EFNA5: variants seen among roughly 807,000 people sequenced by gnomAD.
The protein encoded by EFNA5 is ephrin A5.
EFNA5 carries 5 observed loss-of-function variants against 22.9 expected under a neutral mutation model. The ratio of observed to expected loss-of-function variants is 0.22; its 90% CI spans 0.11 to 0.46. The LOEUF is 0.46. Among genes scored for constraint, EFNA5 ranks in the 20% least tolerant of loss-of-function variants. EFNA5 has a pLI of 0.99. For missense variants in EFNA5, 237 were observed against 293.3 expected (o/e 0.81, Z 1.40); for synonymous variants, 113 against 112.2 (o/e 1.01, Z -0.04).
rs544549953 is a variant in EFNA5, at chr5:107,438,435, G to A, written c.126-10926C>T. 1.1e-4 allele frequency among the ~76,000 whole-genome samples: 16 copies of A among 152,254 alleles called. No homozygotes were observed. The South Asian group carries it at 3.3e-3, about 32-fold the overall frequency. On this transcript the variant is annotated intron_variant, in intron 1 of 4. Transcript: ENST00000333274. ...CCCTTTTCAGCCCCTGCCAACCACT[G>A]TTTTGCTCTCAGTTGTGTCCCAGCA...
In EFNA5 at chr5:107,582,740, C is replaced by T. The variant is rs1412802064; in HGVS notation, c.125+87749G>A. 1.3e-5 allele frequency among the ~76,000 whole-genome samples: 2 copies of T among 150,664 alleles called. 1 individual carries two copies. The highest frequency in any genetic ancestry group is 4.9e-5 in the African/African-American group (2 of 40,724). ...TAATTTCTAAGGAATTTATGAAGAT[C>T]TTGTACAAAAAAAAAAAAGTAAAAA... On this transcript the variant is annotated intron_variant, in intron 1 of 4. Transcript: ENST00000333274.
At chr5:107,486,574 G>A (rs1353896673) in intron 1 of EFNA5, among the ~76,000 whole-genome samples, 1 of 152,128 alleles carries the variant, frequency 6.6e-6, no homozygotes, top group Non-Finnish European at 1.5e-5. Flanking sequence ...GCGTATGAGA[G>A]TATTATACCT....
intron 1 of EFNA5, among the ~76,000 whole-genome samples, chr5:107,465,058 T>A (rs1749935818): frequency 8.6e-6 from 1 of 116,736 alleles, no homozygotes. Context: ...CCATTCTGTG[T>A]GAGGCTTTTT....
intron 1 of EFNA5, among the ~76,000 whole-genome samples, chr5:107,622,197 T>C (rs1351736148): frequency 2.0e-5 from 3 of 152,182 alleles, no homozygotes; most frequent in Non-Finnish European, 4.4e-5. Context: ...AGAAGGTAAG[T>C]CTGATGTCTG....
intron 1 of EFNA5, among the ~76,000 whole-genome samples, chr5:107,511,444 T>C (rs942622780): frequency 3.9e-5 from 6 of 152,146 alleles, no homozygotes; most frequent in Non-Finnish European, 8.8e-5. Context: ...TAGAATATAG[T>C]AGTAGTGGTA....
chr5:107,586,957 C>T (rs369221623), intron 1 of EFNA5, among the ~76,000 whole-genome samples: 27 of 152,244 alleles, frequency 1.8e-4, no homozygotes, highest in African/African-American at 6.0e-4. Flanking sequence ...GGTAATCTTA[C>T]ATGGACACAG....
rs113969722 is a variant in EFNA5 at position 107,480,000 on chromosome 5, C to T, written c.126-52491G>A. ...CTTTTTCAAAAAGAAAGATTAAATA[C>T]CAAAACTCAATTGAAATCATACTGA... On this transcript the variant is annotated intron_variant, in intron 1 of 4. Coordinates refer to ENST00000333274, the MANE Select transcript of EFNA5 (RefSeq NM_001962.3). Among the ~76,000 whole-genome samples, 252 of 152,242 alleles carry T rather than the reference C, an allele frequency of 1.7e-3. 4 individuals carry two copies. Among genetic ancestry groups the T allele is most frequent in the African/African-American group, 5.9e-3 (245 of 41,542 alleles).
At chr5:107,539,831 T>C (rs550320439) in intron 1 of EFNA5, among the ~76,000 whole-genome samples, 48 of 152,224 alleles carry the variant, frequency 3.2e-4, no homozygotes, top group African/African-American at 1.1e-3. Context: ...TTTAACTCTA[T>C]GGTTAATTAA....
At chr5:107,608,926 A>G (rs543392136) in intron 1 of EFNA5, among the ~76,000 whole-genome samples, 5 of 152,258 alleles carry the variant, frequency 3.3e-5, no homozygotes, top group African/African-American at 1.2e-4. Flanking sequence ...TTTTCATTAA[A>G]CCCTAAATAG....
At chr5:107,663,047 TATA>T (rs1419739797) in intron 1 of EFNA5, among the ~76,000 whole-genome samples, 1 of 152,106 alleles carries the variant, frequency 6.6e-6, no homozygotes, top group Non-Finnish European at 1.5e-5. Flanking sequence ...GTCAACTAAA[TATA>T]AGAAGATAGC....
At chr5:107,436,840 A>AG (rs1256992584) in intron 1 of EFNA5, among the ~76,000 whole-genome samples, 1 of 152,194 alleles carries the variant, frequency 6.6e-6, no homozygotes, top group Non-Finnish European at 1.5e-5. Context: ...ACTTCCATGT[A>AG]GCCCTTTTGT....
intron 1 of EFNA5, among the ~76,000 whole-genome samples, chr5:107,569,385 T>TTATGTATATGTGTGTATATATATATA (rs1748728191): frequency 3.5e-5 from 5 of 144,228 alleles, no homozygotes; most frequent in African/African-American, 1.0e-4. Context: ...ATATATATTT[T>TTATGTATATGTGTGTATATATATATA]TATGTATATG....
At chr5:107,493,832 C>G (rs1378967910) in intron 1 of EFNA5, among the ~76,000 whole-genome samples, 1 of 152,112 alleles carries the variant, frequency 6.6e-6, no homozygotes, top group Admixed American at 6.5e-5. Context: ...TTAATATTCA[C>G]AACAAACCTA....
In EFNA5 at chr5:107,637,652, T is replaced by C. The variant is rs565659208; in HGVS notation, c.125+32837A>G. Among the ~76,000 whole-genome samples the C allele has an allele frequency of 1.0e-4, 15 of 149,764 alleles. No homozygotes were observed. In the East Asian group the frequency reaches 2.5e-3, roughly 25 times the overall value. On this transcript the variant is annotated intron_variant, in intron 1 of 4. Coordinates refer to ENST00000333274, the MANE Select transcript of EFNA5 (RefSeq NM_001962.3). ...CATATAGTGTATGTGTGTGTGTATATATACATAAACTGATTATATATATAC... is the reference window on the plus strand; with the variant it reads ...CATATAGTGTATGTGTGTGTGTATACATACATAAACTGATTATATATATAC...
chr5:107,514,501 G>A (rs1747436077), intron 1 of EFNA5, among the ~76,000 whole-genome samples: 1 of 152,140 alleles, frequency 6.6e-6, no homozygotes. Flanking sequence ...TGAAATGCTT[G>A]TTTTAAATTC....
At chr5:107,513,086 T>A (rs1331759343) in intron 1 of EFNA5, among the ~76,000 whole-genome samples, 1 of 152,102 alleles carries the variant, frequency 6.6e-6, no homozygotes, top group Admixed American at 6.5e-5. Flanking sequence ...CCACCAGGCA[T>A]GAGAGGTAAT....
At chr5:107,651,599 G>C (rs1205362972) in intron 1 of EFNA5, among the ~76,000 whole-genome samples, 3 of 149,682 alleles carry the variant, frequency 2.0e-5, no homozygotes, top group African/African-American at 7.4e-5. Flanking sequence ...TTGCTTGGTG[G>C]TTTGGCATTT....
chr5:107,580,177 G>A (rs1291794467), intron 1 of EFNA5, among the ~76,000 whole-genome samples: 1 of 152,122 alleles, frequency 6.6e-6, no homozygotes, highest in Non-Finnish European at 1.5e-5. Context: ...TGCAATTGAA[G>A]ATACTTAATA....
chr5:107,609,072 T>C (rs901436057), intron 1 of EFNA5, among the ~76,000 whole-genome samples: 5 of 152,176 alleles, frequency 3.3e-5, no homozygotes, highest in Non-Finnish European at 7.4e-5. Context: ...CACATACATA[T>C]ACAGCTACAA....
Sources: gnomAD v4.1 joint callset for allele counts (sites outside exome capture counted in the v4.1 genomes callset) on GRCh38, gnomAD v4.1.1 for gene constraint, MANE v1.5 for transcripts, NCBI Gene and HGNC (gene_info 2026-07-23, HGNC 2026-07-21) for gene names.